The following EMC1 variants were observed in gnomAD, a reference collection of about 807,000 sequenced individuals.
EMC1 encodes the protein ER membrane protein complex subunit 1, also known as KIAA0090.
A neutral mutation model predicts 128.8 loss-of-function variants in EMC1; 103 were observed. That is an observed-to-expected ratio of 0.80 (90% CI 0.68 to 0.94). The LOEUF (loss-of-function observed/expected upper bound fraction) is 0.94, where lower values mean the gene tolerates loss of function less well. Among genes scored for constraint, EMC1 ranks in the 40% least tolerant of loss-of-function variants. The pLI, the probability that EMC1 is intolerant of heterozygous loss-of-function variation, is 0.00. For missense variants in EMC1, 1,083 were observed against 1,250.6 expected (o/e 0.87, Z 2.02); for synonymous variants, 442 against 490.4 (o/e 0.90, Z 1.30).
chr1:19,219,796 C>G, intron 21 of EMC1, 98 bp from the exon 22 acceptor site: 1 of 1,401,686 alleles, frequency 7.1e-7, no homozygotes, highest in Non-Finnish European at 9.9e-7. Context: ...GGCTACATAT[C>G]TAGCCTCAAA....
intron 18 of EMC1, among the ~76,000 whole-genome samples, chr1:19,225,360 T>G (rs1160215967): frequency 1.3e-5 from 2 of 151,310 alleles, no homozygotes; most frequent in African/African-American, 4.9e-5. Flanking sequence ...CTAAAGAAAA[T>G]AAAATAAGTG....
chr1:19,243,202 T>C (rs966936733), intron 4 of EMC1, among the ~76,000 whole-genome samples: 2 of 152,128 alleles, frequency 1.3e-5, no homozygotes. Context: ...ACCACTGCAC[T>C]CTAGCCTGGG....
At chr1:19,238,520 A>C (rs192410513) in intron 10 of EMC1, among the ~76,000 whole-genome samples, 1 of 152,294 alleles carries the variant, frequency 6.6e-6, no homozygotes, top group Admixed American at 6.5e-5. Context: ...AACTGCACAG[A>C]GTACTACTCA....
At chr1:19,249,108 T>G (rs2093645054) in intron 1 of EMC1, among the ~76,000 whole-genome samples, 1 of 152,054 alleles carries the variant, frequency 6.6e-6, no homozygotes, top group Non-Finnish European at 1.5e-5. Flanking sequence ...AGTCAAAAAT[T>G]AAAAAAATAA....
At chr1:19,227,489 C>G (rs1310190432) in intron 17 of EMC1, 39 bp from the exon 18 acceptor site, 3 of 1,612,544 alleles carry the variant, frequency 1.9e-6, no homozygotes, top group Non-Finnish European at 2.5e-6. Context: ...CAGGAGGGTA[C>G]ACTTAGAACT....
chr1:19,228,710 C>T (rs2093496602), intron 17 of EMC1, among the ~76,000 whole-genome samples: 1 of 151,804 alleles, frequency 6.6e-6, no homozygotes. Flanking sequence ...TGAAAAAAAG[C>T]AAATTTCATA....
At chr1:19,231,797 T>C (rs1387248284) in intron 15 of EMC1, among the ~76,000 whole-genome samples, 1 of 152,148 alleles carries the variant, frequency 6.6e-6, no homozygotes, top group African/African-American at 2.4e-5. Context: ...ATTCTGTTTT[T>C]ATTTTTTGTA....
intron 4 of EMC1, 76 bp from the exon 5 acceptor site, chr1:19,242,549 C>A: frequency 6.6e-7 from 1 of 1,521,382 alleles, no homozygotes; most frequent in Non-Finnish European, 9.0e-7. Flanking sequence ...AGAACAGTAC[C>A]CACTGTTGCT....
At chr1:19,243,020 G>A (rs1020238643) in intron 4 of EMC1, among the ~76,000 whole-genome samples, 2 of 152,140 alleles carry the variant, frequency 1.3e-5, no homozygotes, top group East Asian at 1.9e-4. Flanking sequence ...GGAGGATCAC[G>A]GGGTCAGGAG....
chr1:19,230,356 G>T (rs1277692630), intron 17 of EMC1, among the ~76,000 whole-genome samples: 2 of 150,288 alleles, frequency 1.3e-5, no homozygotes, highest in Non-Finnish European at 3.0e-5. Flanking sequence ...GGATCACAAG[G>T]TCAGGAGTTT....
chr1:19,235,485 G>T (rs1425048188), intron 12 of EMC1, among the ~76,000 whole-genome samples: 1 of 151,988 alleles, frequency 6.6e-6, no homozygotes, highest in Non-Finnish European at 1.5e-5. Flanking sequence ...GGCAGATCAC[G>T]AGGTCAGGAG....
At chr1:19,220,653 C>T (rs2093424530) in intron 21 of EMC1, 111 bp downstream of exon 21, 2 of 793,180 alleles carry the variant, frequency 2.5e-6, no homozygotes, top group Non-Finnish European at 2.0e-6. Context: ...CCTGCTACAT[C>T]CCCAGCCCCT....
Position 19,243,668 on chromosome 1 carries a change from G to A in EMC1, c.326C>T (p.Ser109Phe). Residue 109 changes from serine (S) to phenylalanine (F), a missense_variant, in exon 4 of 23, where the codon TCC (serine) becomes TTC (phenylalanine). Physicochemically the swap from Ser to Phe is radical, Grantham distance 155 (BLOSUM62 -2). Transcript: ENST00000477853. ...TVSNGGRIMR[S>F]WETNIGGLNW... Reference sequence around the variant, plus strand: ...CAGGCCCCCGATGTTAGTCTCCCAGGAACGCATGATTCGGCCTCCATTGGA... The same window carrying A: ...CAGGCCCCCGATGTTAGTCTCCCAGAAACGCATGATTCGGCCTCCATTGGA... 1 of 1,614,164 alleles carries A rather than the reference G, an allele frequency of 6.2e-7. No individual in the cohort carries two copies. Among genetic ancestry groups the A allele is most frequent in the Non-Finnish European group, 8.5e-7 (1 of 1,180,032 alleles).
intron 20 of EMC1, chr1:19,221,731 G>A (rs1173657561): frequency 6.6e-6 from 1 of 151,874 alleles, no homozygotes; most frequent in Non-Finnish European, 1.5e-5. Flanking sequence ...ACAGGAACCT[G>A]TTAACCACTA....
At chr1:19,239,146 T>C (rs992451579) in intron 9 of EMC1, 85 bp downstream of exon 9, 15 of 1,311,328 alleles carry the variant, frequency 1.1e-5, no homozygotes, top group Non-Finnish European at 1.5e-5. Context: ...ACCAGGTCAA[T>C]GTGCCCAGAC....
Position 19,232,658 on chromosome 1 carries a change from TG to T in EMC1, c.1747del (p.His583IlefsTer9). On this transcript the variant is annotated frameshift_variant, in exon 15 of 23. Coordinates refer to ENST00000477853, the MANE Select transcript of EMC1 (RefSeq NM_015047.3). LOFTEE classifies it high-confidence loss of function. Reference protein sequence around the residue: ...MVQRTTAHFPHPPQCTLLVKD... With the variant: ...MVQRTTAHFPXPPQCTLLVKD... Reference sequence around the variant, plus strand: ...CACCAGCAGGGTGCACTGTGGGGGATGGGGGAAATGAGCAGTAGTTCTCTGG... The same window carrying T: ...CACCAGCAGGGTGCACTGTGGGGGATGGGGAAATGAGCAGTAGTTCTCTGG... The T allele has an allele frequency of 6.2e-7, 1 of 1,614,058 alleles. No individual in the cohort carries two copies. The highest frequency in any genetic ancestry group is 8.5e-7 in the Non-Finnish European group (1 of 1,180,014).
At position 19,244,996 on chromosome 1, in the gene EMC1, A is replaced by G; in HGVS notation, c.130T>C (p.Ser44Pro). The G allele has an allele frequency of 6.2e-7, 1 of 1,613,978 alleles. No homozygotes were observed. The highest frequency in any genetic ancestry group is 8.5e-7 in the Non-Finnish European group (1 of 1,179,892). Reference sequence around the variant, plus strand: ...TTGGATCCAGGGGAAAATTCCAAGGAGGCAAACTTGACCTTCCCAACATAT... The same window carrying G: ...TTGGATCCAGGGGAAAATTCCAAGGGGGCAAACTTGACCTTCCCAACATAT... Reference protein sequence around the residue: ...QQYVGKVKFASLEFSPGSKKL... With the variant: ...QQYVGKVKFAPLEFSPGSKKL... The change falls in exon 2 of 23, where the codon TCC becomes CCC. Residue 44 changes from serine to proline, a missense_variant. Physicochemically the swap from Ser to Pro is moderately conservative, Grantham distance 74. This residue lies in a region of EMC1 where 544 missense variants were observed against 572.4 expected (regional missense o/e 0.95). Transcript: ENST00000477853.
At chr1:19,227,636 G>A (rs964624741) in intron 17 of EMC1, among the ~76,000 whole-genome samples, 186 bp from the exon 18 acceptor site, 2 of 152,180 alleles carry the variant, frequency 1.3e-5, no homozygotes, top group Non-Finnish European at 2.9e-5. Flanking sequence ...GGAGGCCAAG[G>A]CGGGCGGATC....
intron 12 of EMC1, 111 bp downstream of exon 12, chr1:19,237,031 A>G (rs892796576): frequency 1.6e-5 from 12 of 750,954 alleles, no homozygotes. Flanking sequence ...CTCAGGGCAC[A>G]CTCCACTTGA....
Sources: allele counts gnomAD v4.1 joint callset (sites outside exome capture counted in the v4.1 genomes callset), GRCh38; gene constraint gnomAD v4.1.1; regional missense constraint gnomAD v4.1.1; transcripts MANE v1.5; gene names NCBI Gene and HGNC (gene_info 2026-07-23, HGNC 2026-07-21).